Variants in LGR6 observed in about 807,000 individuals in gnomAD.
LGR6 encodes leucine rich repeat containing G protein-coupled receptor 6, also known as leucine-rich repeat-containing G protein-coupled receptor 6.
Under a neutral mutation model 69.4 loss-of-function variants are expected in LGR6, and 45 were observed. The observed-to-expected ratio is 0.65, with a 90% CI of 0.51 to 0.83. LGR6 has a LOEUF of 0.83. Among genes scored for constraint, LGR6 ranks in the 40% least tolerant of loss-of-function variants. The probability of loss-of-function intolerance (pLI) is 0.00; values close to 1 mark genes in which losing one functional copy is unlikely to be tolerated. For missense variants in LGR6, 1,108 were observed against 1,246.7 expected (o/e 0.89, Z 1.68); for synonymous variants, 538 against 555.0 (o/e 0.97, Z 0.43).
rs1055148677 is a variant in LGR6, at chr1:202,283,756, A to G, written c.716+2904A>G. Among the ~76,000 whole-genome samples the G allele has an allele frequency of 2.6e-5, 4 of 152,334 alleles. No homozygotes were observed. The East Asian group carries it at 7.7e-4, about 29-fold the overall frequency. On this transcript the variant is annotated intron_variant, in intron 6 of 17. Coordinates refer to ENST00000367278, the MANE Select transcript of LGR6 (RefSeq NM_001017403.2). ...ACGTGCCACATGTTTCAAGCCCTAC[A>G]TGACCCTCACTCCACGTAGGCAGCC...
chr1:202,229,907 C>T (rs1028226719), intron 3 of LGR6, among the ~76,000 whole-genome samples: 3 of 152,218 alleles, frequency 2.0e-5, no homozygotes, highest in African/African-American at 4.8e-5. Context: ...GAAGATTCCA[C>T]CTGCATCCTA....
At chr1:202,275,466 C>T (rs1225206118) in intron 4 of LGR6, among the ~76,000 whole-genome samples, 1 of 152,152 alleles carries the variant, frequency 6.6e-6, no homozygotes, top group African/African-American at 2.4e-5. Flanking sequence ...TCTTCTAGGG[C>T]TCCCATAAGT....
chr1:202,300,668 A>G (rs1417432715), intron 7 of LGR6, among the ~76,000 whole-genome samples, 181 bp from the exon 8 acceptor site: 2 of 151,918 alleles, frequency 1.3e-5, no homozygotes, highest in African/African-American at 4.8e-5. Context: ...AAAAAAAAAA[A>G]AAAAAGAAAG....
chr1:202,317,393 G>A (rs1654231443), intron 17 of LGR6, among the ~76,000 whole-genome samples: 1 of 151,282 alleles, frequency 6.6e-6, no homozygotes, highest in Non-Finnish European at 1.5e-5. Context: ...TGCCCAGGCT[G>A]GAGTGCAGTA....
intron 17 of LGR6, among the ~76,000 whole-genome samples, chr1:202,317,427 C>T (rs1158497519): frequency 2.6e-5 from 4 of 151,932 alleles, no homozygotes. Context: ...TCACTGCAAC[C>T]TCCGTCCCCC....
At chr1:202,230,098 G>T (rs1274033850) in intron 3 of LGR6, among the ~76,000 whole-genome samples, 1 of 152,092 alleles carries the variant, frequency 6.6e-6, no homozygotes, top group South Asian at 2.1e-4. Flanking sequence ...ACCCTTATCT[G>T]AGTGGCCTCT....
In LGR6 at chr1:202,276,241, C is replaced by G. The variant is rs917116856; in HGVS notation, c.429-65C>G. The G allele has an allele frequency of 3.5e-6, 5 of 1,410,678 alleles. No homozygotes were observed. The Admixed American group carries it at 7.1e-5, about 20-fold the overall frequency. 87.4% of individuals were successfully genotyped at this position (1,410,678 alleles called of 1,614,324 possible). On this transcript the variant is annotated intron_variant, in intron 4 of 17. Transcript: ENST00000367278. ...CTGTTGAGGGCCTGGCTGGCCCAGT[C>G]TAGCCCCAAAGCTTGGTCTGCATCT...
At chr1:202,308,487 G>A (rs1025279255) in intron 14 of LGR6, among the ~76,000 whole-genome samples, 3 of 152,068 alleles carry the variant, frequency 2.0e-5, no homozygotes, top group Non-Finnish European at 4.4e-5. Flanking sequence ...CCTCTAATGC[G>A]CCTCCAGTAG....
intron 4 of LGR6, among the ~76,000 whole-genome samples, chr1:202,264,200 A>G (rs1314229623): frequency 6.6e-6 from 1 of 151,770 alleles, no homozygotes; most frequent in Non-Finnish European, 1.5e-5. Context: ...AAGGACTGGA[A>G]CCCTGTGGGA....
chr1:202,204,346 ACACACACACCTCCAC>A (rs1658958234), intron 1 of LGR6, among the ~76,000 whole-genome samples: 4 of 120,810 alleles, frequency 3.3e-5, no homozygotes, highest in African/African-American at 6.5e-5. Context: ...ACACCTCCAC[ACACACACACCTCCAC>A]ACACACACAC....
In LGR6 at chr1:202,227,296, T is replaced by C. The variant is rs1423060757; in HGVS notation, c.285-640T>C. ...AGATCAGGCAGTGACTTCTGAATCATCCACCATTAAATTCTGCTCAGTCAG... is the reference window on the plus strand; with the variant it reads ...AGATCAGGCAGTGACTTCTGAATCACCCACCATTAAATTCTGCTCAGTCAG... On this transcript the variant is annotated intron_variant, in intron 2 of 17. Coordinates refer to ENST00000367278, the MANE Select transcript of LGR6 (RefSeq NM_001017403.2). Among the ~76,000 whole-genome samples, 3 of 152,350 alleles carry C rather than the reference T, an allele frequency of 2.0e-5. No individual in the cohort carries two copies. In the East Asian group the frequency reaches 5.8e-4, roughly 29 times the overall value.
intron 9 of LGR6, among the ~76,000 whole-genome samples, chr1:202,301,786 G>A (rs1667613738): frequency 6.6e-6 from 1 of 152,190 alleles, no homozygotes; most frequent in Non-Finnish European, 1.5e-5. Flanking sequence ...GGAGGCTGAG[G>A]CGGGTGGATC....
chr1:202,233,864 T>A lies in LGR6; in HGVS notation c.357-2058T>A, dbSNP rs182193328. On this transcript the variant is annotated intron_variant, in intron 3 of 17. Transcript: ENST00000367278. ...GTCAGTATCATCCCCAACTTATAGA[T>A]AAGAAAAGAGAAAACTAAGGCCCGC... Among the ~76,000 whole-genome samples, 558 of 152,186 alleles carry A rather than the reference T, an allele frequency of 3.7e-3. 3 individuals carry two copies. Among genetic ancestry groups the A allele is most frequent in the African/African-American group, 0.013 (540 of 41,526 alleles).
intron 7 of LGR6, among the ~76,000 whole-genome samples, chr1:202,299,114 G>T (rs571424612): frequency 6.6e-6 from 1 of 151,972 alleles, no homozygotes; most frequent in Non-Finnish European, 1.5e-5. Context: ...ACAAAAATCA[G>T]CCCAGCGTAG....
intron 4 of LGR6, among the ~76,000 whole-genome samples, chr1:202,249,860 C>T (rs769868928): frequency 6.6e-6 from 1 of 152,180 alleles, no homozygotes; most frequent in African/African-American, 2.4e-5. Flanking sequence ...CTACTCTGGA[C>T]TTACCCCAGT....
In LGR6 at chr1:202,305,655, C is replaced by T. The variant is rs755910901; in HGVS notation, c.1071-29C>T. The T allele has an allele frequency of 1.9e-5, 30 of 1,608,346 alleles. No homozygotes were observed. In the South Asian group the frequency reaches 2.0e-4, roughly 11 times the overall value. On this transcript the variant is annotated intron_variant, in intron 11 of 17. Coordinates refer to ENST00000367278, the MANE Select transcript of LGR6 (RefSeq NM_001017403.2). ...AGCCCTCAGATAGCCACCATTTCAC[C>T]CCAGCCCTGGCCTTTCTCTTTTCCC... is the stretch of plus-strand genomic sequence containing the variant.
At chr1:202,220,021 G>C (rs1660042873) in intron 1 of LGR6, among the ~76,000 whole-genome samples, 1 of 151,792 alleles carries the variant, frequency 6.6e-6, no homozygotes, top group Admixed American at 6.6e-5. Context: ...TGGAATTACA[G>C]GTGACCTTCA....
intron 4 of LGR6, among the ~76,000 whole-genome samples, chr1:202,247,316 C>T (rs951647386): frequency 6.6e-6 from 1 of 152,224 alleles, no homozygotes; most frequent in Admixed American, 6.6e-5. Context: ...CCCATCCCTC[C>T]ACCCCCCAGG....
chr1:202,204,357 TC>T (rs766403829), intron 1 of LGR6, among the ~76,000 whole-genome samples: 1 of 40,614 alleles, frequency 2.5e-5, no homozygotes, highest in East Asian at 8.4e-4. Context: ...CACACACACC[TC>T]CACACACACA....
Sources: gnomAD v4.1 joint callset for allele counts (sites outside exome capture counted in the v4.1 genomes callset) on GRCh38, gnomAD v4.1.1 for gene constraint, MANE v1.5 for transcripts, NCBI Gene and HGNC (gene_info 2026-07-23, HGNC 2026-07-21) for gene names.